LONP1: variants seen among roughly 807,000 people sequenced by gnomAD.
LONP1 encodes the protein lon protease homolog, mitochondrial.
A neutral mutation model predicts 98.5 loss-of-function variants in LONP1; 31 were observed. The ratio of observed to expected loss-of-function variants is 0.31; its 90% confidence interval spans 0.24 to 0.42. The LOEUF is 0.42. Ranked by LOEUF, LONP1 falls within the 20% of genes least tolerant of loss-of-function variation. The pLI, the probability that LONP1 is intolerant of heterozygous loss-of-function variation, is 1.00. For synonymous variants in LONP1, 781 were observed against 594.7 expected (o/e 1.31, Z -4.56); for missense variants, 1,336 against 1,350.6 (o/e 0.99, Z 0.17).
In LONP1 at chr19:5,693,885, TG is replaced by T. The variant is rs2054877327; in HGVS notation, c.2321-117del. 5.9e-6 allele frequency: 5 copies of T among 849,650 alleles called. No homozygotes were observed. The African/African-American group carries it at 8.4e-5, about 14-fold the overall frequency. 52.6% of individuals were successfully genotyped at this position (849,650 alleles called of 1,614,324 possible). ...CCCCAGTTTAGCATCTTGGTGCCCCTGGGCAGGGGTTGGTGTCCCATCGTGA... is the reference window on the plus strand; with the variant it reads ...CCCCAGTTTAGCATCTTGGTGCCCCTGGCAGGGGTTGGTGTCCCATCGTGA... On this transcript the variant is annotated intron_variant, in intron 15 of 17. Coordinates refer to ENST00000360614, the MANE Select transcript of LONP1 (RefSeq NM_004793.4).
upstream of LONP1, chr19:5,720,258 T>A (rs1156836348): frequency 7.6e-7 from 1 of 1,308,860 alleles, no homozygotes; most frequent in East Asian, 3.0e-5. Flanking sequence ...TTCAGGGAGC[T>A]GGGCCTACGC....
chr19:5,717,208 A>AAGCT (rs1173017887), intron 1 of LONP1: 2 of 152,214 alleles, frequency 1.3e-5, no homozygotes, highest in Non-Finnish European at 2.9e-5. Context: ...AATAGGAGAG[A>AAGCT]AGCTTCTAGA....
Position 5,691,978 on chromosome 19 carries a change from A to AGTTCTGGCCCAGACAGGGCCTGACATCCG in LONP1, c.*25_*53dup. On this transcript the variant is annotated 3_prime_UTR_variant, in exon 18 of 18. Coordinates refer to ENST00000360614, the MANE Select transcript of LONP1 (RefSeq NM_004793.4). ...TCCGGGCGCGCTCCCCACAGCGCTC[A>AGTTCTGGCCCAGACAGGGCCTGACATCCG]GTTCTGGCCCAGACAGGGCCTGACA... 2 of 1,570,776 alleles carry AGTTCTGGCCCAGACAGGGCCTGACATCCG rather than the reference A, an allele frequency of 1.3e-6. No homozygotes were observed. The highest frequency in any genetic ancestry group is 8.6e-7 in the Non-Finnish European group (1 of 1,157,738).
At chr19:5,700,448 ACT>A (rs2055019564) in intron 9 of LONP1, among the ~76,000 whole-genome samples, 3 of 151,504 alleles carry the variant, frequency 2.0e-5, no homozygotes, top group Middle Eastern at 3.4e-3. Context: ...TGGGGGTCTC[ACT>A]CTGTCACCCA....
Position 5,707,121 on chromosome 19 carries a change from G to A in LONP1, c.1085C>T (p.Ala362Val), listed in dbSNP as rs143846792. The change falls in exon 7 of 18, where the codon GCC (alanine) becomes GTC (valine). Residue 362 changes from alanine (A) to valine (V), a missense_variant. Physicochemically the swap from Ala to Val is moderately conservative, Grantham distance 64. Transcript: ENST00000360614. Reference protein sequence around the residue: ...ETNIPKRLYKALSLLKKEFEL... With the variant: ...ETNIPKRLYKVLSLLKKEFEL... Reference sequence around the variant, plus strand: ...AAATTCCTTCTTCAGCAGGGAGAGGGCCTTGTACAGCCGCTTAGGAATCTG... The same window carrying A: ...AAATTCCTTCTTCAGCAGGGAGAGGACCTTGTACAGCCGCTTAGGAATCTG... 1 of 1,613,140 alleles carries A rather than the reference G, an allele frequency of 6.2e-7. No individual in the cohort carries two copies.
chr19:5,696,212 C>T, intron 12 of LONP1, 37 bp downstream of exon 12: 3 of 1,612,780 alleles, frequency 1.9e-6, no homozygotes, highest in Non-Finnish European at 1.7e-6. Context: ...GCCGCTTACC[C>T]TCCCCAGCAA....
At chr19:5,716,296 A>ATG in intron 1 of LONP1, among the ~76,000 whole-genome samples, 1 of 117,768 alleles carries the variant, frequency 8.5e-6, no homozygotes, top group Non-Finnish European at 1.8e-5. Flanking sequence ...ATATATATAT[A>ATG]TATAGTAATG....
At chr19:5,704,295 C>A (rs1442126706) in intron 8 of LONP1, among the ~76,000 whole-genome samples, 1 of 152,212 alleles carries the variant, frequency 6.6e-6, no homozygotes, top group Admixed American at 6.5e-5. Context: ...GATCTCAGGG[C>A]TCGGCATTGT....
At chr19:5,708,225 C>G in intron 5 of LONP1, 117 bp downstream of exon 5, 1 of 1,092,614 alleles carries the variant, frequency 9.2e-7, no homozygotes, top group Non-Finnish European at 1.3e-6. Context: ...CAGGCCACTC[C>G]TTGGGGCAGG....
intron 11 of LONP1, 62 bp from the exon 12 acceptor site, chr19:5,696,433 G>GA: frequency 2.5e-6 from 4 of 1,571,840 alleles, no homozygotes; most frequent in Non-Finnish European, 3.5e-6. Context: ...GCCCAGTGGG[G>GA]AGACCCCAGG....
chr19:5,701,017 G>A (rs1477520561), intron 8 of LONP1, 90 bp from the exon 9 acceptor site: 5 of 1,484,438 alleles, frequency 3.4e-6, no homozygotes, highest in African/African-American at 2.8e-5. Context: ...CAAGGGGCTT[G>A]AAACCCATGT....
At chr19:5,715,275 A>T (rs1049718078) in intron 1 of LONP1, among the ~76,000 whole-genome samples, 2 of 151,960 alleles carry the variant, frequency 1.3e-5, no homozygotes, top group Non-Finnish European at 2.9e-5. Context: ...TGCTTTTATT[A>T]ATGTCAGAAT....
intron 1 of LONP1, among the ~76,000 whole-genome samples, chr19:5,716,379 G>A (rs1202006674): frequency 2.1e-5 from 3 of 146,288 alleles, no homozygotes; most frequent in East Asian, 4.0e-4. Flanking sequence ...CCCACCCTTG[G>A]AGTTTTTGAT....
upstream of LONP1, chr19:5,720,164 G>C: frequency 7.2e-6 from 10 of 1,387,650 alleles, no homozygotes; most frequent in Non-Finnish European, 9.3e-6. Flanking sequence ...CACACAACTC[G>C]CGTCATTTCC....
intron 3 of LONP1, chr19:5,712,362 C>T (rs887545421): frequency 1.2e-5 from 3 of 248,562 alleles, no homozygotes; most frequent in African/African-American, 6.8e-5. Context: ...GACTCTGTGC[C>T]CTGGACTCAG....
intron 4 of LONP1, among the ~76,000 whole-genome samples, chr19:5,710,209 C>T (rs1360527620): frequency 7.3e-5 from 11 of 151,430 alleles, no homozygotes; most frequent in Non-Finnish European, 1.2e-4. Context: ...TCAGTAATCC[C>T]GAGTAGCTGG....
At position 5,691,976 on chromosome 19, in the gene LONP1, T is replaced by TCAGTTCTGGCCCGGACAGGGCCTGACATC; in HGVS notation, c.*55_*56insGATGTCAGGCCCTGTCCGGGCCAGAACTG. 6.5e-7 allele frequency: 1 copy of TCAGTTCTGGCCCGGACAGGGCCTGACATC among 1,536,480 alleles called. No individual in the cohort carries two copies. Among genetic ancestry groups the TCAGTTCTGGCCCGGACAGGGCCTGACATC allele is most frequent in the Admixed American group, 1.9e-5 (1 of 52,598 alleles). ...GGTCCGGGCGCGCTCCCCACAGCGC[T>TCAGTTCTGGCCCGGACAGGGCCTGACATC]CAGTTCTGGCCCAGACAGGGCCTGA... On this transcript the variant is annotated 3_prime_UTR_variant, in exon 18 of 18. Transcript: ENST00000360614.
chr19:5,694,939 C>T (rs778418300), intron 13 of LONP1, 38 bp from the exon 14 acceptor site: 2 of 1,577,520 alleles, frequency 1.3e-6, no homozygotes, highest in Non-Finnish European at 1.7e-6. Context: ...CTGGAGGGAC[C>T]TTGCCCACCA....
chr19:5,707,252 G>C (rs530477081), intron 6 of LONP1, 109 bp from the exon 7 acceptor site: 2 of 842,318 alleles, frequency 2.4e-6, no homozygotes, highest in Non-Finnish European at 1.9e-6. Context: ...GGGAGGACCT[G>C]GCCATGCTGT....
Sources: allele counts gnomAD v4.1 joint callset (sites outside exome capture counted in the v4.1 genomes callset), GRCh38; gene constraint gnomAD v4.1.1; transcripts MANE v1.5; gene names NCBI Gene and HGNC (gene_info 2026-07-23, HGNC 2026-07-21).